Variants in CNBD1 observed in about 807,000 individuals in gnomAD.
CNBD1 encodes cyclic nucleotide binding domain containing 1, also known as cyclic nucleotide-binding domain-containing protein 1.
In CNBD1, 71 loss-of-function variants were observed where a neutral mutation model predicts 54.4. That is an observed-to-expected ratio of 1.30 (90% CI 1.08 to 1.59). The LOEUF (loss-of-function observed/expected upper bound fraction) is 1.59, where lower values mean the gene tolerates loss of function less well. Ranked by LOEUF, CNBD1 falls within the 40% of genes most tolerant of loss-of-function variation. The pLI is 0.00. For missense variants in CNBD1, 659 were observed against 518.0 expected, an observed-to-expected ratio of 1.27 and a Z score of -2.64; for synonymous variants, 182 against 170.7, an observed-to-expected ratio of 1.07 and a Z score of -0.51.
At chr8:87,071,373 T>C (rs1052265739) in intron 4 of CNBD1, among the ~76,000 whole-genome samples, 2 of 152,128 alleles carry the variant, frequency 1.3e-5, no homozygotes, top group African/African-American at 2.4e-5. Flanking sequence ...TGAGAATCCT[T>C]AACAAAACTC....
downstream of CNBD1, among the ~76,000 whole-genome samples, chr8:87,385,257 T>C (rs977898017): frequency 6.6e-5 from 10 of 151,518 alleles, no homozygotes; most frequent in Non-Finnish European, 8.8e-5. Flanking sequence ...CACTGGGGAG[T>C]GTTGGACGGT....
At chr8:87,035,603 A>G (rs952956801) in intron 4 of CNBD1, among the ~76,000 whole-genome samples, 1 of 152,198 alleles carries the variant, frequency 6.6e-6, no homozygotes, top group African/African-American at 2.4e-5. Context: ...AACTCTATTA[A>G]TGCTGTCTTC....
rs758083191 is a variant in CNBD1, at chr8:87,334,719, C to CT, written c.1043-16962dup. 1.9e-3 allele frequency among the ~76,000 whole-genome samples: 242 copies of CT among 126,164 alleles called. 2 individuals are homozygous for CT. Among genetic ancestry groups the CT allele is most frequent in the Middle Eastern group, 3.8e-3 (1 of 262 alleles). The allele number at this position is 126,164 out of a possible 152,430, so 82.8% of individuals were successfully genotyped here. ...TCTTTTTTCTTTTCTTTTCTTTTTT[C>CT]TTTTCTTTTTTTTTTTTTAAGATGG... On this transcript the variant is annotated intron_variant, in intron 8 of 10. Coordinates refer to ENST00000518476, the MANE Select transcript of CNBD1 (RefSeq NM_173538.3).
At chr8:86,876,170 TG>T in intron 1 of CNBD1, among the ~76,000 whole-genome samples, 1 of 88,012 alleles carries the variant, frequency 1.1e-5, no homozygotes, top group South Asian at 4.4e-4. Flanking sequence ...GTTTGATACC[TG>T]TGTGTGTGTG....
intron 8 of CNBD1, among the ~76,000 whole-genome samples, chr8:87,327,247 CTG>C: frequency 6.8e-6 from 1 of 147,814 alleles, no homozygotes; most frequent in East Asian, 2.0e-4. Flanking sequence ...GAGGTTACTG[CTG>C]TCTTTTTGTT....
chr8:87,093,625 G>A (rs968644862), intron 4 of CNBD1, among the ~76,000 whole-genome samples: 64 of 152,086 alleles, frequency 4.2e-4, no homozygotes, highest in Non-Finnish European at 3.2e-4. Flanking sequence ...ACCAAATGAC[G>A]GGTTACTATT....
intron 4 of CNBD1, among the ~76,000 whole-genome samples, chr8:86,940,401 A>C (rs1809633424): frequency 6.6e-6 from 1 of 152,086 alleles, no homozygotes; most frequent in African/African-American, 2.4e-5. Context: ...TCCTGACCTC[A>C]GGTGATCTGC....
chr8:87,015,616 T>A (rs1809338263), intron 4 of CNBD1, among the ~76,000 whole-genome samples: 1 of 152,194 alleles, frequency 6.6e-6, no homozygotes, highest in Admixed American at 6.5e-5. Context: ...ACTTTCTCCT[T>A]CACCTTTTGT....
chr8:87,102,106 CTCGATCTCCTGACT>C (rs1479314634), intron 4 of CNBD1, among the ~76,000 whole-genome samples: 1 of 152,042 alleles, frequency 6.6e-6, no homozygotes, highest in Non-Finnish European at 1.5e-5. Context: ...CCAGGATGGT[CTCGATCTCCTGACT>C]TCGTGATCTG....
chr8:87,300,589 A>T (rs1416287560), intron 8 of CNBD1, among the ~76,000 whole-genome samples: 2 of 152,278 alleles, frequency 1.3e-5, no homozygotes, highest in South Asian at 4.1e-4. Context: ...TAGCTTAAGC[A>T]TTTTATTTTA....
chr8:87,353,840 A>G, intron 10 of CNBD1, 54 bp downstream of exon 10: 1 of 1,338,104 alleles, frequency 7.5e-7, no homozygotes, highest in Non-Finnish European at 1.0e-6. Context: ...ATGAGTTCTT[A>G]AATTTTTTAA....
chr8:87,065,058 G>T (rs1043252263), intron 4 of CNBD1, among the ~76,000 whole-genome samples: 1 of 151,836 alleles, frequency 6.6e-6, no homozygotes, highest in Non-Finnish European at 1.5e-5. Context: ...TTATTCTGTT[G>T]TTGCTTCAAT....
chr8:87,148,552 A>T (rs1298446471), intron 4 of CNBD1, among the ~76,000 whole-genome samples: 2 of 152,194 alleles, frequency 1.3e-5, no homozygotes, highest in Non-Finnish European at 2.9e-5. Context: ...GTTCTGTGGC[A>T]GAGAAGGGGA....
chr8:87,408,733 G>T (rs530721394), intron 2 of CNBD1, among the ~76,000 whole-genome samples: 1 of 152,086 alleles, frequency 6.6e-6, no homozygotes, highest in South Asian at 2.1e-4. Flanking sequence ...TTGTGTCTCC[G>T]TGTCACATGT....
intron 4 of CNBD1, among the ~76,000 whole-genome samples, chr8:87,010,869 G>A (rs1159839710): frequency 6.6e-6 from 1 of 152,050 alleles, no homozygotes; most frequent in Non-Finnish European, 1.5e-5. Context: ...TGATTTCCTT[G>A]TAGGTGTGTT....
At chr8:87,030,760 C>A (rs111267250) in intron 4 of CNBD1, among the ~76,000 whole-genome samples, 2,803 of 152,048 alleles carry the variant, frequency 0.018, 87 homozygotes, top group African/African-American at 0.056. Flanking sequence ...GAGGGACACA[C>A]AGCTCCAGCC....
At chr8:86,938,924 A>C (rs1238589630) in intron 3 of CNBD1, among the ~76,000 whole-genome samples, 1 of 152,228 alleles carries the variant, frequency 6.6e-6, no homozygotes, top group Non-Finnish European at 1.5e-5. Flanking sequence ...GTATATAATT[A>C]AAGGTCTATT....
chr8:87,383,278 A>C (rs1418336042), downstream of CNBD1, among the ~76,000 whole-genome samples: 1 of 152,108 alleles, frequency 6.6e-6, no homozygotes, highest in East Asian at 1.9e-4. Context: ...TTCATATTGT[A>C]GTATAGTTTC....
Position 87,091,778 on chromosome 8 carries a change from G to A in CNBD1, c.432-114215G>A, listed in dbSNP as rs558545152. ...CCTGTATCCTTCATGTGTAAAGGAG[G>A]TAGAGCAATTTTACATAAATTTTTT... is the stretch of plus-strand genomic sequence containing the variant. On this transcript the variant is annotated intron_variant, in intron 4 of 10. Transcript: ENST00000518476. Among the ~76,000 whole-genome samples the A allele has an allele frequency of 2.1e-4, 31 of 149,156 alleles. No individual in the cohort carries two copies. In the East Asian group the frequency reaches 4.5e-3, roughly 21 times the overall value.
Sources: allele counts gnomAD v4.1 joint callset (sites outside exome capture counted in the v4.1 genomes callset), GRCh38; gene constraint gnomAD v4.1.1; transcripts MANE v1.5; gene names NCBI Gene and HGNC (gene_info 2026-07-23, HGNC 2026-07-21).